Variants in PSME4 observed in about 807,000 individuals in gnomAD.
The protein encoded by PSME4 is proteasome activator complex subunit 4.
Under a neutral mutation model 253.9 loss-of-function variants are expected in PSME4, and 89 were observed. That is an observed-to-expected ratio of 0.35 (90% confidence interval 0.30 to 0.42). The LOEUF is 0.42. PSME4 is among the 10% of genes least tolerant of loss of function. The pLI, the probability that PSME4 is intolerant of heterozygous loss-of-function variation, is 1.00. For synonymous variants in PSME4, 851 were observed against 759.2 expected, an observed-to-expected ratio of 1.12 and a Z score of -1.99; for missense variants, 2,014 against 2,195.2, an observed-to-expected ratio of 0.92 and a Z score of 1.65.
chr2:53,895,682 C>A lies in PSME4; in HGVS notation c.3743G>T (p.Trp1248Leu). 6.2e-7 allele frequency: 1 copy of A among 1,613,166 alleles called. No homozygotes were observed. The highest frequency in any genetic ancestry group is 8.5e-7 in the Non-Finnish European group (1 of 1,179,590). Residue 1248 changes from tryptophan to leucine, a missense_variant, in exon 33 of 47, where the codon TGG (tryptophan) becomes TTG (leucine). This residue lies in a region of PSME4 where 989 missense variants were observed against 1,021.1 expected (regional missense o/e 0.97). Coordinates refer to ENST00000404125, the MANE Select transcript of PSME4 (RefSeq NM_014614.3). ...TATAGTTTTGCTGTCATAATGCAAC[C>A]AATGATTATCAGGCCTATCACCAGC... ...IIAGDRPDNH[W>L]LHYDSKTIPR... is the part of the protein sequence containing the mutation.
Position 53,906,615 on chromosome 2 carries a change from T to C in PSME4, c.2926A>G (p.Thr976Ala). The C allele has an allele frequency of 1.3e-6, 2 of 1,593,766 alleles. No individual in the cohort carries two copies. Among genetic ancestry groups the C allele is most frequent in the Non-Finnish European group, 1.7e-6 (2 of 1,171,326 alleles). ...DMIRDLLRLSTSSYSQVRNKA... is the reference protein window; with the variant it reads ...DMIRDLLRLSASSYSQVRNKA... ...AGCCTTACCTGACTGTATGAACTTGTAGATAAACGAAGAAGATCTCTGATC... is the reference window on the plus strand; with the variant it reads ...AGCCTTACCTGACTGTATGAACTTGCAGATAAACGAAGAAGATCTCTGATC... The change falls in exon 26 of 47, where the codon ACA becomes GCA. Residue 976 changes from threonine (T) to alanine (A), a missense_variant. By Grantham distance (58) the Thr-to-Ala change is moderately conservative. Transcript: ENST00000404125.
At chr2:53,952,703 C>G (rs1020633421) in intron 1 of PSME4, among the ~76,000 whole-genome samples, 1 of 152,238 alleles carries the variant, frequency 6.6e-6, no homozygotes. Context: ...GAGTACACAA[C>G]CTAGATCCCT....
Position 53,939,889 on chromosome 2 carries a change from C to T in PSME4, c.545+67G>A, listed in dbSNP as rs190380018. On this transcript the variant is annotated intron_variant, in intron 4 of 46. Transcript: ENST00000404125. ...TTATACTTTTCATTTCCTTTTCAAACCATACTAAAGATGTGGAAAAGCCCA... is the reference window on the plus strand; with the variant it reads ...TTATACTTTTCATTTCCTTTTCAAATCATACTAAAGATGTGGAAAAGCCCA... 408 of 1,353,598 alleles carry T rather than the reference C, an allele frequency of 3.0e-4. No homozygotes were observed. The African/African-American group carries it at 5.3e-3, about 18-fold the overall frequency. The allele number at this position is 1,353,598 out of a possible 1,614,324, so 83.8% of individuals were successfully genotyped here. A position where few individuals can be genotyped will look rare whatever the true frequency, so the allele number is the denominator to read the frequency against.
At chr2:53,865,889 A>T in intron 46 of PSME4, 196 bp downstream of exon 46, 1 of 593,990 alleles carries the variant, frequency 1.7e-6, no homozygotes, top group Non-Finnish European at 2.9e-6. Context: ...TCTGCTTTAA[A>T]CCTAAAGCAA....
intron 20 of PSME4, among the ~76,000 whole-genome samples, chr2:53,913,707 C>A (rs1667932061): frequency 6.6e-6 from 1 of 152,172 alleles, no homozygotes; most frequent in Admixed American, 6.5e-5. Context: ...TGGCTCTTAT[C>A]CTGCCAGTGA....
intron 6 of PSME4, 79 bp downstream of exon 6, chr2:53,936,685 C>T (rs1394727486): frequency 9.9e-7 from 1 of 1,013,714 alleles, no homozygotes; most frequent in East Asian, 2.7e-5. Context: ...TAATATTTAT[C>T]TCCAAATTAA....
intron 10 of PSME4, among the ~76,000 whole-genome samples, chr2:53,930,161 G>T (rs567946220): frequency 1.3e-5 from 2 of 152,058 alleles, no homozygotes. Flanking sequence ...ATTTATCTTG[G>T]CCAAGCATTC....
chr2:53,867,871 C>G (rs569430125), intron 44 of PSME4, among the ~76,000 whole-genome samples: 3 of 151,984 alleles, frequency 2.0e-5, no homozygotes, highest in Admixed American at 1.3e-4. Flanking sequence ...TGAAGAATGT[C>G]TATTTCTTAA....
chr2:53,960,702 T>A (rs559883660), intron 1 of PSME4, among the ~76,000 whole-genome samples: 150 of 152,354 alleles, frequency 9.8e-4, no homozygotes, highest in South Asian at 2.1e-3. Flanking sequence ...GGTGACAGAC[T>A]GATAAACGTA....
At chr2:53,902,869 C>T (rs1680476117) in intron 27 of PSME4, among the ~76,000 whole-genome samples, 1 of 152,186 alleles carries the variant, frequency 6.6e-6, no homozygotes, top group African/African-American at 2.4e-5. Context: ...GCAACTGAGC[C>T]TGAGCTATAG....
At chr2:53,955,578 C>G (rs805452) in intron 1 of PSME4, among the ~76,000 whole-genome samples, 34,246 of 151,836 alleles carry the variant, frequency 0.23, 3,997 homozygotes, top group South Asian at 0.27. Flanking sequence ...AAGCAAGGCT[C>G]AAAACAAATA....
chr2:53,968,563 C>T lies in PSME4; in HGVS notation c.242+1980G>A, dbSNP rs1336350873. 2.6e-5 allele frequency among the ~76,000 whole-genome samples: 4 copies of T among 152,134 alleles called. No homozygotes were observed. The East Asian group carries it at 7.7e-4, about 29-fold the overall frequency. On this transcript the variant is annotated intron_variant, in intron 1 of 46. Transcript: ENST00000404125. ...CTTAACATGACTTAGGAAAAAAACA[C>T]ACCCAAGATCACAACATGTCCCACC...
chr2:53,898,212 G>T, intron 30 of PSME4, 89 bp downstream of exon 30: 2 of 1,302,558 alleles, frequency 1.5e-6, no homozygotes, highest in South Asian at 1.4e-5. Flanking sequence ...AACTTTTTGT[G>T]ACATAGTCAT....
intron 41 of PSME4, among the ~76,000 whole-genome samples, chr2:53,885,328 G>A (rs933745684): frequency 6.6e-6 from 1 of 152,100 alleles, no homozygotes; most frequent in African/African-American, 2.4e-5. Flanking sequence ...GAACATTTTC[G>A]TTTGTAGATT....
At chr2:53,878,152 T>C (rs546911343) in intron 41 of PSME4, among the ~76,000 whole-genome samples, 55 of 152,306 alleles carry the variant, frequency 3.6e-4, no homozygotes, top group African/African-American at 1.3e-3. Context: ...AGAACATAAA[T>C]TGTGAAGATT....
chr2:53,933,390 A>AAAAAAAAG (rs1668945435), intron 8 of PSME4, among the ~76,000 whole-genome samples: 2 of 149,888 alleles, frequency 1.3e-5, no homozygotes, highest in African/African-American at 4.9e-5. Flanking sequence ...AAAAAAAAAA[A>AAAAAAAAG]AAAAAAAAAA....
intron 33 of PSME4, 30 bp from the exon 34 acceptor site, chr2:53,895,106 C>G (rs149450629): frequency 7.0e-6 from 11 of 1,564,166 alleles, no homozygotes; most frequent in Middle Eastern, 1.7e-4. Flanking sequence ...ATTTATCATA[C>G]GCATAGAAAA....
At chr2:53,934,497 G>T in intron 8 of PSME4, 108 bp downstream of exon 8, 1 of 1,134,884 alleles carries the variant, frequency 8.8e-7, no homozygotes, top group Non-Finnish European at 1.2e-6. Context: ...CAAGAATCAA[G>T]TCACCAACCA....
chr2:53,942,168 C>G (rs372642002), intron 3 of PSME4: 6 of 152,646 alleles, frequency 3.9e-5, no homozygotes, highest in Non-Finnish European at 7.4e-5. Flanking sequence ...CCTGTGATAT[C>G]TGTATAGTGA....
Sources: gnomAD v4.1 joint callset for allele counts (sites outside exome capture counted in the v4.1 genomes callset) on GRCh38, gnomAD v4.1.1 for gene constraint, gnomAD v4.1.1 regional missense constraint, MANE v1.5 for transcripts, NCBI Gene and HGNC (gene_info 2026-07-23, HGNC 2026-07-21) for gene names.